The following ANAPC1 variants were observed in gnomAD, a reference collection of about 807,000 sequenced individuals.
The protein encoded by ANAPC1 is anaphase-promoting complex subunit 1.
In ANAPC1, 36 loss-of-function variants were observed where a neutral mutation model predicts 208.0. That is an observed-to-expected ratio of 0.17 (90% CI 0.13 to 0.23). The LOEUF (loss-of-function observed/expected upper bound fraction) is 0.23. Ranked by LOEUF, ANAPC1 falls within the 10% of genes least tolerant of loss-of-function variation. The probability of loss-of-function intolerance (pLI) is 1.00; values close to 1 mark genes in which losing one functional copy is unlikely to be tolerated. For missense variants in ANAPC1, 942 were observed against 2,011.6 expected (o/e 0.47, Z 10.17); for synonymous variants, 378 against 695.2 (o/e 0.54, Z 7.18).
chr2:111,878,517 C>T (rs2311829), intron 3 of ANAPC1, among the ~76,000 whole-genome samples: 13 of 152,080 alleles, frequency 8.5e-5, no homozygotes, highest in African/African-American at 2.9e-4. Flanking sequence ...CTGTACTCTT[C>T]ATGTTTTATA....
intron 19 of ANAPC1, among the ~76,000 whole-genome samples, chr2:111,834,141 T>C (rs189325576): frequency 2.6e-5 from 4 of 152,318 alleles, no homozygotes; most frequent in African/African-American, 9.6e-5. Context: ...TCCACAACTA[T>C]CAAACACTCG....
At chr2:111,830,825 A>G (rs1435099285) in intron 21 of ANAPC1, among the ~76,000 whole-genome samples, 2 of 152,274 alleles carry the variant, frequency 1.3e-5, no homozygotes, top group African/African-American at 4.8e-5. Context: ...TCTGGAAAAC[A>G]GATGACAGTT....
intron 6 of ANAPC1, among the ~76,000 whole-genome samples, chr2:111,870,475 T>C (rs1682686345): frequency 6.6e-6 from 1 of 152,252 alleles, no homozygotes. Flanking sequence ...ATTAGTGATA[T>C]TGAGCAGTTT....
intron 3 of ANAPC1, among the ~76,000 whole-genome samples, chr2:111,877,843 T>C (rs894304232): frequency 2.6e-5 from 4 of 152,158 alleles, no homozygotes; most frequent in African/African-American, 9.7e-5. Context: ...CATTCCTAGC[T>C]ATCTATTTCC....
chr2:111,834,831 A>C lies in ANAPC1; in HGVS notation c.2157T>G (p.Val719=). 1 of 1,606,990 alleles carries C rather than the reference A, an allele frequency of 6.2e-7. No homozygotes were observed. Among genetic ancestry groups the C allele is most frequent in the Non-Finnish European group, 8.5e-7 (1 of 1,177,512 alleles). The part of the protein sequence containing the change: ...YLLNSDYHQN[V]ESHLLNRSLC... ...AAGATCTGTTCAAAAGATGAGACTC[A>C]ACATTCTGGTGGTAGTCTGAATTTA... Residue 719 remains valine (V), a synonymous_variant, in exon 19 of 48, where the codon GTT becomes GTG. Coordinates refer to ENST00000341068, the MANE Select transcript of ANAPC1 (RefSeq NM_022662.4).
At chr2:111,874,578 C>T (rs1410591151) in intron 3 of ANAPC1, among the ~76,000 whole-genome samples, 1 of 152,096 alleles carries the variant, frequency 6.6e-6, no homozygotes, top group East Asian at 1.9e-4. Context: ...AAGGTTCATC[C>T]ATGTTATGAC....
chr2:111,871,081 G>A (rs1558741178), intron 6 of ANAPC1, among the ~76,000 whole-genome samples: 1 of 152,066 alleles, frequency 6.6e-6, no homozygotes, highest in South Asian at 2.1e-4. Context: ...CCAGTACCAT[G>A]CTGTTTTGCT....
rs567800751 is a variant in ANAPC1 at position 111,858,307 on chromosome 2, G to A, written c.1357C>T (p.Arg453Cys). The A allele has an allele frequency of 2.1e-5, 34 of 1,611,276 alleles. No individual in the cohort carries two copies. Among genetic ancestry groups the A allele is most frequent in the African/African-American group, 5.3e-5 (4 of 74,780 alleles). ...ACAATGGGAAAGACATACACCTACC[G>A]TAACTGGAGCTGGGACTCTACTAAA... ...CFLVESQLQL[R>C]CVKFQESNDK... The change falls in exon 11 of 48, where the codon CGC becomes TGC. Residue 453 changes from arginine (R) to cysteine (C), a missense_variant and splice_region_variant. Physicochemically the swap from Arg to Cys is radical, Grantham distance 180. Transcript: ENST00000341068.
intron 18 of ANAPC1, among the ~76,000 whole-genome samples, chr2:111,836,923 G>A (rs187084461): frequency 4.0e-5 from 6 of 150,580 alleles, no homozygotes; most frequent in East Asian, 2.0e-4. Flanking sequence ...AGCCAAGATC[G>A]TGCCACTGCA....
intron 2 of ANAPC1, among the ~76,000 whole-genome samples, chr2:111,879,985 T>A (rs1468339901): frequency 2.0e-5 from 3 of 152,182 alleles, no homozygotes; most frequent in African/African-American, 4.8e-5. Flanking sequence ...CATTTAATCA[T>A]TAGATAACAT....
At chr2:111,853,902 G>C (rs2104530463) in intron 13 of ANAPC1, among the ~76,000 whole-genome samples, 1 of 152,160 alleles carries the variant, frequency 6.6e-6, no homozygotes, top group South Asian at 2.1e-4. Context: ...ACTTTTAGTA[G>C]ACACAGGGTT....
chr2:111,857,458 A>G (rs1436143483), intron 11 of ANAPC1, among the ~76,000 whole-genome samples: 2 of 152,258 alleles, frequency 1.3e-5, no homozygotes, highest in African/African-American at 2.4e-5. Flanking sequence ...GATGATCAAC[A>G]TCAGAATGCA....
chr2:111,784,454 C>G (rs1677450305), intron 40 of ANAPC1, 54 bp from the exon 41 acceptor site: 4 of 1,598,544 alleles, frequency 2.5e-6, no homozygotes, highest in Admixed American at 3.3e-5. Flanking sequence ...GTGGAAACAA[C>G]AAAGAAGAAA....
At chr2:111,840,552 T>C (rs1486168073) in intron 17 of ANAPC1, among the ~76,000 whole-genome samples, 1 of 152,176 alleles carries the variant, frequency 6.6e-6, no homozygotes, top group Non-Finnish European at 1.5e-5. Context: ...CGAAGGGGCA[T>C]AGGTTCTCTG....
chr2:111,824,417 G>GA (rs1440604419), intron 24 of ANAPC1, among the ~76,000 whole-genome samples: 1 of 151,778 alleles, frequency 6.6e-6, no homozygotes, highest in Middle Eastern at 3.4e-3. Context: ...AGTTCTTTGT[G>GA]AAAAAAAATT....
intron 30 of ANAPC1, among the ~76,000 whole-genome samples, chr2:111,804,818 CATT>C (rs1192376365): frequency 9.6e-6 from 1 of 104,190 alleles, no homozygotes; most frequent in Non-Finnish European, 1.9e-5. Flanking sequence ...GATTATTTTC[CATT>C]ATACCACCAG....
intron 3 of ANAPC1, among the ~76,000 whole-genome samples, chr2:111,875,500 C>T (rs1360357639): frequency 6.6e-6 from 1 of 152,154 alleles, no homozygotes; most frequent in Non-Finnish European, 1.5e-5. Flanking sequence ...CCACATCTCC[C>T]TCTGCTTTAT....
intron 42 of ANAPC1, 91 bp from the exon 43 acceptor site, chr2:111,782,598 G>A (rs1245519475): frequency 6.7e-6 from 10 of 1,490,342 alleles, no homozygotes; most frequent in Middle Eastern, 1.8e-4. Context: ...CACAGGAGAT[G>A]AAGCTTTTAC....
chr2:111,810,249 A>G (rs920674609), intron 28 of ANAPC1, among the ~76,000 whole-genome samples: 2 of 151,860 alleles, frequency 1.3e-5, no homozygotes, highest in Non-Finnish European at 2.9e-5. Flanking sequence ...CAGAAAAGGC[A>G]AACCCATAGA....
Sources: allele counts gnomAD v4.1 joint callset (sites outside exome capture counted in the v4.1 genomes callset), GRCh38; gene constraint gnomAD v4.1.1; transcripts MANE v1.5; gene names NCBI Gene and HGNC (gene_info 2026-07-23, HGNC 2026-07-21).